Variants in LIPG observed in about 807,000 individuals in gnomAD.
LIPG encodes the protein lipase G, endothelial type.
Under a neutral mutation model 51.8 loss-of-function variants are expected in LIPG, and 34 were observed. That is an observed-to-expected ratio of 0.66 (90% confidence interval 0.50 to 0.87). The LOEUF (loss-of-function observed/expected upper bound fraction) is 0.87. Ranked by LOEUF, LIPG falls within the 40% of genes least tolerant of loss-of-function variation. LIPG has a pLI of 0.00. For synonymous variants in LIPG, 246 were observed against 246.1 expected (o/e 1.00, Z 0.00); for missense variants, 580 against 652.7 (o/e 0.89, Z 1.21).
Position 49,568,434 on chromosome 18 carries a change from G to A in LIPG, c.459+813G>A, listed in dbSNP as rs149020422. ...GTCTCGCTGTCACCCAGGCTGGAGTGCAGTGCCATGATCTTGGCTCACTGC... is the reference window on the plus strand; with the variant it reads ...GTCTCGCTGTCACCCAGGCTGGAGTACAGTGCCATGATCTTGGCTCACTGC... On this transcript the variant is annotated intron_variant, in intron 3 of 9. Coordinates refer to ENST00000261292, the MANE Select transcript of LIPG (RefSeq NM_006033.4). 4.0e-3 allele frequency among the ~76,000 whole-genome samples: 612 copies of A among 151,310 alleles called. 14 individuals are homozygous for A. The East Asian group carries it at 0.063, about 16-fold the overall frequency.
Position 49,579,777 on chromosome 18 carries a change from T to TC in LIPG, c.794-1637dup, listed in dbSNP as rs2084796328. On this transcript the variant is annotated intron_variant, in intron 5 of 9. Transcript: ENST00000261292. ...TCCTTTCCTTTCCTTTCTTTTCTTT[T>TC]CTTTTCTTTTCTTTTCTTTTCTTTT... Among the ~76,000 whole-genome samples, 541 of 70,346 alleles carry TC rather than the reference T, an allele frequency of 7.7e-3. 16 individuals are homozygous for TC. The highest frequency in any genetic ancestry group is 0.026 in the African/African-American group (454 of 17,466). 46.1% of individuals were successfully genotyped at this position (70,346 alleles called of 152,430 possible).
intron 8 of LIPG, among the ~76,000 whole-genome samples, chr18:49,586,242 A>T (rs1356335037): frequency 6.6e-6 from 1 of 152,220 alleles, no homozygotes; most frequent in Non-Finnish European, 1.5e-5. Context: ...AGGTACTTTG[A>T]ATCACTCCGT....
At position 49,581,593 on chromosome 18, in the gene LIPG, G is replaced by T. The variant is rs1415053465; in HGVS notation, c.972G>T (p.Lys324Asn). The T allele has an allele frequency of 6.2e-7, 1 of 1,614,212 alleles. No individual in the cohort carries two copies. ...GTAATAGCATTGGCTACAATGCCAA[G>T]AAAATGAGGAACAAGAGGAACAGCA... ...NRCNSIGYNA[K>N]KMRNKRNSKM... Residue 324 changes from lysine (K) to asparagine (N), a missense_variant, in exon 6 of 10, where the codon AAG (lysine) becomes AAT (asparagine). Transcript: ENST00000261292.
intron 4 of LIPG, among the ~76,000 whole-genome samples, chr18:49,570,038 C>G (rs758392254): frequency 1.3e-5 from 2 of 152,206 alleles, no homozygotes; most frequent in African/African-American, 2.4e-5. Flanking sequence ...CACCCAAGGA[C>G]TCAGGGGAAA....
intron 4 of LIPG, 81 bp downstream of exon 4, chr18:49,569,629 C>T (rs1298209462): frequency 8.9e-7 from 1 of 1,129,782 alleles, no homozygotes; most frequent in African/African-American, 1.5e-5. Context: ...CAGAGTGAGT[C>T]ATAGAAAGTT....
chr18:49,571,415 G>A (rs2084661914), intron 4 of LIPG, among the ~76,000 whole-genome samples: 1 of 152,242 alleles, frequency 6.6e-6, no homozygotes, highest in Non-Finnish European at 1.5e-5. Flanking sequence ...GCCTGTTTGA[G>A]TGGCATCTGC....
At chr18:49,581,805 G>C (rs1317767372) in intron 6 of LIPG, 148 bp downstream of exon 6, 1 of 993,596 alleles carries the variant, frequency 1.0e-6, no homozygotes, top group South Asian at 1.3e-5. Context: ...CACTGTGCAT[G>C]TCCTAGGAAA....
rs186755159 is a variant in LIPG, at chr18:49,590,950, C to T, written c.*428C>T. 23 of 292,078 alleles carry T rather than the reference C, an allele frequency of 7.9e-5. No homozygotes were observed. The highest frequency in any genetic ancestry group is 1.1e-4 in the Non-Finnish European group (16 of 148,764). 18.1% of individuals were successfully genotyped at this position (292,078 alleles called of 1,614,324 possible). ...TTTGAGCCTCAGTGAGAAGTCCTTCCGACAGGAGCTGACTCATGTCAGGAT... is the reference window on the plus strand; with the variant it reads ...TTTGAGCCTCAGTGAGAAGTCCTTCTGACAGGAGCTGACTCATGTCAGGAT... On this transcript the variant is annotated 3_prime_UTR_variant, in exon 10 of 10. Transcript: ENST00000261292.
chr18:49,564,140 C>A (rs1469831147), intron 1 of LIPG, among the ~76,000 whole-genome samples: 1 of 152,220 alleles, frequency 6.6e-6, no homozygotes, highest in Admixed American at 6.5e-5. Context: ...TCCCTCCTTT[C>A]CCCTCCGCCC....
chr18:49,565,579 T>C (rs761512045), intron 2 of LIPG, 81 bp downstream of exon 2: 1 of 1,504,886 alleles, frequency 6.6e-7, no homozygotes, highest in Non-Finnish European at 9.2e-7. Context: ...AATTCTGGTG[T>C]TTCCAGATTC....
intron 7 of LIPG, 68 bp downstream of exon 7, chr18:49,582,550 A>C: frequency 6.2e-7 from 1 of 1,601,376 alleles, no homozygotes; most frequent in East Asian, 2.2e-5. Context: ...GAGAGAGCAC[A>C]AGGGAGCGTG....
At chr18:49,562,563 C>T (rs1343228601) in intron 1 of LIPG, among the ~76,000 whole-genome samples, 158 bp downstream of exon 1, 1 of 152,264 alleles carries the variant, frequency 6.6e-6, no homozygotes, top group Non-Finnish European at 1.5e-5. Flanking sequence ...CCACCTGTCT[C>T]TCTGCTGGTC....
intron 8 of LIPG, 27 bp downstream of exon 8, chr18:49,583,801 C>T: frequency 6.3e-7 from 1 of 1,582,676 alleles, no homozygotes; most frequent in South Asian, 1.1e-5. Flanking sequence ...CCTTCTTCTG[C>T]CTGGTGTAGG....
chr18:49,587,476 G>A (rs889922059), intron 9 of LIPG, among the ~76,000 whole-genome samples: 1 of 149,582 alleles, frequency 6.7e-6, no homozygotes, highest in South Asian at 2.1e-4. Flanking sequence ...GGCTGAGGCA[G>A]GAGAATGGTA....
chr18:49,570,943 T>G (rs529123860), intron 4 of LIPG, among the ~76,000 whole-genome samples: 1 of 152,272 alleles, frequency 6.6e-6, no homozygotes, highest in Admixed American at 6.5e-5. Flanking sequence ...AAAAAGAATA[T>G]TTGTGAAGTT....
chr18:49,586,361 CACTAACAAAAGCA>C (rs2143975983), intron 8 of LIPG, among the ~76,000 whole-genome samples: 1 of 152,276 alleles, frequency 6.6e-6, no homozygotes, highest in East Asian at 1.9e-4. Flanking sequence ...GAAGTAGCAA[CACTAACAAAAGCA>C]ATATTTATAT....
rs564632413 is a variant in LIPG, at chr18:49,574,879, C to T, written c.572-490C>T. Among the ~76,000 whole-genome samples, 112 of 152,266 alleles carry T rather than the reference C, an allele frequency of 7.4e-4. 1 individual carries two copies. The highest frequency in any genetic ancestry group is 2.7e-3 in the African/African-American group (111 of 41,554). On this transcript the variant is annotated intron_variant, in intron 4 of 9. Transcript: ENST00000261292. ...GAATAAATTCAGATACAAATAGCTC[C>T]GTTTGGGGAGACTGGATTCTCCTTC... is the stretch of plus-strand genomic sequence containing the variant.
chr18:49,568,489 T>A (rs1366247471), intron 3 of LIPG, among the ~76,000 whole-genome samples: 1 of 152,110 alleles, frequency 6.6e-6, no homozygotes, highest in African/African-American at 2.4e-5. Context: ...CAAGCAATTC[T>A]CCTGCCTTAG....
chr18:49,580,927 A>C (rs929598578), intron 5 of LIPG, among the ~76,000 whole-genome samples: 1 of 152,172 alleles, frequency 6.6e-6, no homozygotes. Flanking sequence ...ATTCCTCTAC[A>C]TCTTAATGGG....
Sources: gnomAD v4.1 joint callset for allele counts (sites outside exome capture counted in the v4.1 genomes callset) on GRCh38, gnomAD v4.1.1 for gene constraint, MANE v1.5 for transcripts, NCBI Gene and HGNC (gene_info 2026-07-23, HGNC 2026-07-21) for gene names.